CNIH3: variants seen among roughly 807,000 people sequenced by gnomAD.
The protein encoded by CNIH3 is protein cornichon homolog 3.
A neutral mutation model predicts 24.1 loss-of-function variants in CNIH3; 14 were observed. The observed-to-expected ratio is 0.58, with a 90% CI of 0.38 to 0.91. The LOEUF (loss-of-function observed/expected upper bound fraction) is 0.91, where lower values mean the gene tolerates loss of function less well. CNIH3 is among the 40% of genes least tolerant of loss of function. CNIH3 has a pLI of 0.00. For missense variants in CNIH3, 178 were observed against 196.8 expected (o/e 0.90, Z 0.57); for synonymous variants, 68 against 73.8 (o/e 0.92, Z 0.40).
chr1:224,490,476 C>T (rs926593042), intron 1 of CNIH3, among the ~76,000 whole-genome samples: 10 of 152,162 alleles, frequency 6.6e-5, no homozygotes, highest in Non-Finnish European at 4.4e-5. Flanking sequence ...TTAGTTTAGT[C>T]GTGTTTTCAC....
chr1:224,653,472 T>G (rs900250102), intron 1 of CNIH3, among the ~76,000 whole-genome samples: 14 of 151,744 alleles, frequency 9.2e-5, no homozygotes, highest in African/African-American at 3.4e-4. Flanking sequence ...TCATCTAAAT[T>G]TTATGTTTTT....
At chr1:224,547,764 T>G (rs1679758842) in intron 3 of CNIH3, among the ~76,000 whole-genome samples, 1 of 152,006 alleles carries the variant, frequency 6.6e-6, no homozygotes, top group African/African-American at 2.4e-5. Context: ...GTGATATTAT[T>G]CGTAATACCG....
chr1:224,714,549 C>A (rs1277802481), intron 3 of CNIH3, among the ~76,000 whole-genome samples: 1 of 152,220 alleles, frequency 6.6e-6, no homozygotes, highest in East Asian at 1.9e-4. Flanking sequence ...GTACAGAGGA[C>A]ATGTCCCATT....
intron 4 of CNIH3, among the ~76,000 whole-genome samples, chr1:224,581,874 G>T (rs893560615): frequency 1.3e-5 from 2 of 152,134 alleles, no homozygotes; most frequent in Non-Finnish European, 2.9e-5. Flanking sequence ...AATTACAGGG[G>T]GATAAGGAGG....
intron 3 of CNIH3, among the ~76,000 whole-genome samples, chr1:224,725,090 G>T (rs1688946836): frequency 6.6e-6 from 1 of 152,074 alleles, no homozygotes; most frequent in Non-Finnish European, 1.5e-5. Flanking sequence ...CATGCCTGCA[G>T]TACCAGCTAC....
intron 1 of CNIH3, among the ~76,000 whole-genome samples, chr1:224,502,617 C>T (rs933709374): frequency 7.2e-5 from 11 of 152,098 alleles, no homozygotes; most frequent in Middle Eastern, 3.2e-3. Flanking sequence ...TTAGGGAGGG[C>T]GGGGCCCGTG....
rs1268033087 is a variant in CNIH3 at position 224,616,555 on chromosome 1, C to T, written c.-620C>T. 25 of 986,772 alleles carry T rather than the reference C, an allele frequency of 2.5e-5. No individual in the cohort carries two copies. In the South Asian group the frequency reaches 4.2e-4, roughly 16 times the overall value. 61.1% of individuals were successfully genotyped at this position (986,772 alleles called of 1,614,324 possible). On this transcript the variant is annotated 5_prime_UTR_variant, in exon 1 of 6. Coordinates refer to ENST00000272133, the MANE Select transcript of CNIH3 (RefSeq NM_152495.2). The stretch of plus-strand genomic sequence containing the variant: ...TCGGAGCGCACGGCTGCGCTGGAAG[C>T]CGCGTCTGGGGCGCAGGACCAACGG...
chr1:224,663,554 G>T (rs1034350286), intron 1 of CNIH3, among the ~76,000 whole-genome samples: 1 of 151,926 alleles, frequency 6.6e-6, no homozygotes, highest in Non-Finnish European at 1.5e-5. Context: ...AAACATACTT[G>T]TCCAGACACA....
intron 4 of CNIH3, among the ~76,000 whole-genome samples, chr1:224,583,012 G>A (rs930207848): frequency 6.6e-6 from 1 of 152,158 alleles, no homozygotes; most frequent in Non-Finnish European, 1.5e-5. Flanking sequence ...TCTTCCTGGG[G>A]CATTAGTGGA....
intron 3 of CNIH3, among the ~76,000 whole-genome samples, chr1:224,698,781 T>G (rs530219014): frequency 6.6e-6 from 1 of 152,352 alleles, no homozygotes; most frequent in African/African-American, 2.4e-5. Context: ...GGGCACTAAT[T>G]GTGAATCTGG....
At chr1:224,508,124 T>C (rs548563448) in intron 1 of CNIH3, among the ~76,000 whole-genome samples, 2 of 152,256 alleles carry the variant, frequency 1.3e-5, no homozygotes, top group Non-Finnish European at 2.9e-5. Context: ...CTGAAATGTA[T>C]TTGGCAATAG....
chr1:224,644,593 T>G (rs1684513193), intron 1 of CNIH3, among the ~76,000 whole-genome samples: 1 of 152,188 alleles, frequency 6.6e-6, no homozygotes, highest in Admixed American at 6.5e-5. Context: ...CCTATGACCC[T>G]TATACCTTTA....
At chr1:224,682,255 C>G (rs1018141882) in intron 2 of CNIH3, among the ~76,000 whole-genome samples, 1 of 152,182 alleles carries the variant, frequency 6.6e-6, no homozygotes, top group African/African-American at 2.4e-5. Context: ...CACAATAATG[C>G]TATGAGACAG....
intron 1 of CNIH3, among the ~76,000 whole-genome samples, chr1:224,501,726 G>A (rs748975438): frequency 6.6e-5 from 10 of 151,898 alleles, no homozygotes; most frequent in Non-Finnish European, 1.3e-4. Context: ...GATTACAGGT[G>A]CGTGCCACCA....
chr1:224,449,998 A>G (rs1675324518), intron 1 of CNIH3, among the ~76,000 whole-genome samples: 1 of 151,370 alleles, frequency 6.6e-6, no homozygotes, highest in Non-Finnish European at 1.5e-5. Context: ...TACACACATT[A>G]TACACGCACA....
intron 1 of CNIH3, among the ~76,000 whole-genome samples, chr1:224,449,672 A>T (rs1675311615): frequency 6.6e-6 from 1 of 152,136 alleles, no homozygotes; most frequent in Non-Finnish European, 1.5e-5. Context: ...AATTTTCTTT[A>T]TAAAGCATGA....
At chr1:224,605,204 T>C (rs1262748428) in intron 3 of CNIH3, among the ~76,000 whole-genome samples, 1 of 152,236 alleles carries the variant, frequency 6.6e-6, no homozygotes, top group African/African-American at 2.4e-5. Flanking sequence ...ATTTAACTTG[T>C]AGCTTGGCTT....
intron 3 of CNIH3, among the ~76,000 whole-genome samples, chr1:224,724,420 A>G (rs1688907542): frequency 6.6e-6 from 1 of 152,220 alleles, no homozygotes; most frequent in East Asian, 1.9e-4. Flanking sequence ...CTGAGAGCAA[A>G]GGGGCCCAGA....
intron 1 of CNIH3, among the ~76,000 whole-genome samples, chr1:224,648,011 G>A (rs1177129045): frequency 6.6e-6 from 1 of 152,200 alleles, no homozygotes; most frequent in Non-Finnish European, 1.5e-5. Context: ...CGGGCATGTT[G>A]AGGTTCTGGA....
Sources: allele counts gnomAD v4.1 joint callset (sites outside exome capture counted in the v4.1 genomes callset), GRCh38; gene constraint gnomAD v4.1.1; transcripts MANE v1.5; gene names NCBI Gene and HGNC (gene_info 2026-07-23, HGNC 2026-07-21).